Variants in CSMD1 observed in about 807,000 individuals in gnomAD.
CSMD1 encodes the protein CUB and sushi domain-containing protein 1.
Under a neutral mutation model 417.5 loss-of-function variants are expected in CSMD1, and 213 were observed. The ratio of observed to expected loss-of-function variants is 0.51; its 90% CI spans 0.46 to 0.57. The LOEUF (loss-of-function observed/expected upper bound fraction) is 0.57, where lower values mean the gene tolerates loss of function less well. Ranked by LOEUF, CSMD1 falls within the 20% of genes least tolerant of loss-of-function variation. The pLI, the probability that CSMD1 is intolerant of heterozygous loss-of-function variation, is 0.00. For synonymous variants in CSMD1, 2,862 were observed against 1,736.8 expected, an observed-to-expected ratio of 1.65 and a Z score of -16.11; for missense variants, 6,923 against 4,529.7, an observed-to-expected ratio of 1.53 and a Z score of -15.17.
At chr8:3,330,627 G>C (rs191559097) in intron 23 of CSMD1, among the ~76,000 whole-genome samples, 1 of 152,274 alleles carries the variant, frequency 6.6e-6, no homozygotes, top group Non-Finnish European at 1.5e-5. Context: ...GAGAGGATCA[G>C]CAAACATAAC....
chr8:3,932,455 C>G (rs2627331), intron 5 of CSMD1, among the ~76,000 whole-genome samples: 117,273 of 149,710 alleles, frequency 0.78, 47,225 homozygotes, highest in African/African-American at 0.81. Flanking sequence ...AGCCTCAGCA[C>G]GGTAATAAGA....
chr8:4,036,464 T>A (rs1239101277), intron 3 of CSMD1, among the ~76,000 whole-genome samples: 1 of 152,184 alleles, frequency 6.6e-6, no homozygotes, highest in Non-Finnish European at 1.5e-5. Context: ...CCCAAGAAGG[T>A]GTCTGAAAAG....
chr8:4,336,860 A>C (rs560946855), intron 3 of CSMD1, among the ~76,000 whole-genome samples: 1 of 152,212 alleles, frequency 6.6e-6, no homozygotes, highest in African/African-American at 2.4e-5. Flanking sequence ...TATTTCCAAT[A>C]ATCAATTCTG....
chr8:3,921,086 G>C (rs112748913), intron 5 of CSMD1, among the ~76,000 whole-genome samples: 1 of 152,020 alleles, frequency 6.6e-6, no homozygotes, highest in Non-Finnish European at 1.5e-5. Context: ...TAGTAGTGAA[G>C]GTATCTATTT....
chr8:4,521,108 T>C (rs1803421466), intron 2 of CSMD1, among the ~76,000 whole-genome samples: 1 of 152,174 alleles, frequency 6.6e-6, no homozygotes, highest in Non-Finnish European at 1.5e-5. Context: ...CAATTTTCCC[T>C]ACAACTGTTT....
At chr8:3,470,361 A>G (rs973793059) in intron 11 of CSMD1, among the ~76,000 whole-genome samples, 3 of 152,178 alleles carry the variant, frequency 2.0e-5, no homozygotes, top group African/African-American at 7.2e-5. Context: ...TTTTATTAAG[A>G]TAATTGTGGA....
At chr8:3,252,364 T>G (rs1439442014) in intron 26 of CSMD1, among the ~76,000 whole-genome samples, 1 of 152,232 alleles carries the variant, frequency 6.6e-6, no homozygotes, top group Admixed American at 6.5e-5. Context: ...TGGATTACAT[T>G]TATTGATTTG....
At chr8:3,023,285 G>T (rs1020521008) in intron 51 of CSMD1, among the ~76,000 whole-genome samples, 7 of 152,208 alleles carry the variant, frequency 4.6e-5, no homozygotes, top group African/African-American at 1.4e-4. Context: ...CAAAATTCCA[G>T]TGTAGCTCAC....
At chr8:3,484,026 A>G (rs1050061551) in intron 11 of CSMD1, among the ~76,000 whole-genome samples, 1 of 152,188 alleles carries the variant, frequency 6.6e-6, no homozygotes, top group South Asian at 2.1e-4. Flanking sequence ...AATTCCTATC[A>G]CAATCCCAGC....
At chr8:4,156,410 GTC>G (rs1433716096) in intron 3 of CSMD1, among the ~76,000 whole-genome samples, 3 of 152,144 alleles carry the variant, frequency 2.0e-5, no homozygotes, top group Admixed American at 6.5e-5. Context: ...TTCTCAATGA[GTC>G]TCTGTACTGA....
intron 3 of CSMD1, among the ~76,000 whole-genome samples, chr8:4,196,125 G>A (rs1460061042): frequency 6.6e-6 from 1 of 152,060 alleles, no homozygotes; most frequent in Admixed American, 6.5e-5. Flanking sequence ...GCAGGAGAAT[G>A]GCTTGAACCC....
chr8:3,812,449 T>C (rs1801140609), intron 5 of CSMD1, among the ~76,000 whole-genome samples: 1 of 152,266 alleles, frequency 6.6e-6, no homozygotes, highest in East Asian at 1.9e-4. Context: ...ATGATGTGGC[T>C]AGATTAAAAT....
chr8:3,401,078 A>G (rs1451463210), intron 15 of CSMD1, among the ~76,000 whole-genome samples: 5 of 151,802 alleles, frequency 3.3e-5, no homozygotes, highest in Admixed American at 3.3e-4. Context: ...TGTTTTTTAA[A>G]GCAATGCAAC....
intron 5 of CSMD1, among the ~76,000 whole-genome samples, chr8:3,828,672 A>G (rs1358583407): frequency 6.6e-6 from 1 of 152,130 alleles, no homozygotes; most frequent in East Asian, 1.9e-4. Context: ...TCATCTTTCT[A>G]CGGACCTCTT....
intron 1 of CSMD1, among the ~76,000 whole-genome samples, chr8:4,792,819 A>G (rs186162605): frequency 3.3e-5 from 5 of 152,236 alleles, no homozygotes; most frequent in South Asian, 2.1e-4. Flanking sequence ...AAAGTGACCA[A>G]GTGTTTCCAA....
At chr8:3,653,304 G>A (rs970696376) in intron 7 of CSMD1, among the ~76,000 whole-genome samples, 1 of 151,994 alleles carries the variant, frequency 6.6e-6, no homozygotes, top group Non-Finnish European at 1.5e-5. Flanking sequence ...TAAAGTTATG[G>A]GGGTTCTTTT....
intron 3 of CSMD1, among the ~76,000 whole-genome samples, chr8:4,412,849 A>G (rs1796724084): frequency 6.6e-6 from 1 of 152,222 alleles, no homozygotes; most frequent in Non-Finnish European, 1.5e-5. Context: ...TAATGGAAGA[A>G]TGCCTGCTCA....
At chr8:3,541,496 T>C (rs1243577228) in intron 10 of CSMD1, among the ~76,000 whole-genome samples, 1 of 151,542 alleles carries the variant, frequency 6.6e-6, no homozygotes, top group African/African-American at 2.4e-5. Flanking sequence ...AAATAACAAA[T>C]CTGCACCTCC....
At chr8:3,466,625 C>A (rs905904772) in intron 12 of CSMD1, among the ~76,000 whole-genome samples, 1 of 123,232 alleles carries the variant, frequency 8.1e-6, no homozygotes, top group African/African-American at 3.2e-5. Context: ...ATAGGGGTTT[C>A]ACCATGTTGG....
Sources: allele counts gnomAD v4.1 joint callset (sites outside exome capture counted in the v4.1 genomes callset), GRCh38; gene constraint gnomAD v4.1.1; transcripts MANE v1.5; gene names NCBI Gene and HGNC (gene_info 2026-07-23, HGNC 2026-07-21).